The following GRIK3 variants were observed in gnomAD, a reference collection of about 807,000 sequenced individuals.
GRIK3 encodes glutamate ionotropic receptor kainate type subunit 3.
GRIK3 carries 29 observed loss-of-function variants against 102.5 expected under a neutral mutation model. The ratio of observed to expected loss-of-function variants is 0.28; its 90% CI spans 0.21 to 0.39. The LOEUF is 0.39. Ranked by LOEUF, GRIK3 falls within the 10% of genes least tolerant of loss-of-function variation. GRIK3 has a pLI of 1.00. For missense variants in GRIK3, 908 were observed against 1,252.4 expected (o/e 0.73, Z 4.15); for synonymous variants, 511 against 504.9 (o/e 1.01, Z -0.16).
chr1:36,841,528 GT>G (rs1265676117), intron 10 of GRIK3, among the ~76,000 whole-genome samples: 1 of 152,188 alleles, frequency 6.6e-6, no homozygotes. Flanking sequence ...GGAGAATGGC[GT>G]TGGGAGTATG....
intron 10 of GRIK3, among the ~76,000 whole-genome samples, chr1:36,835,285 G>A (rs1466907623): frequency 6.6e-6 from 1 of 152,232 alleles, no homozygotes; most frequent in Non-Finnish European, 1.5e-5. Flanking sequence ...CAGCCCTGTG[G>A]TTTCTCATAG....
intron 10 of GRIK3, among the ~76,000 whole-genome samples, chr1:36,832,831 C>T (rs1482682219): frequency 1.3e-5 from 2 of 152,178 alleles, no homozygotes; most frequent in Non-Finnish European, 2.9e-5. Flanking sequence ...CACCTCATAC[C>T]CTGACAGTTG....
At chr1:36,868,276 C>T (rs1424751733) in intron 5 of GRIK3, among the ~76,000 whole-genome samples, 1 of 152,214 alleles carries the variant, frequency 6.6e-6, no homozygotes, top group East Asian at 1.9e-4. Flanking sequence ...TTCCAGGAGA[C>T]AGCATGGCAG....
chr1:36,901,210 A>G (rs566810544), intron 1 of GRIK3, among the ~76,000 whole-genome samples: 1 of 152,326 alleles, frequency 6.6e-6, no homozygotes, highest in East Asian at 1.9e-4. Context: ...CTAATACCAA[A>G]ATCAGACAAA....
chr1:36,871,925 C>T (rs1362743942), intron 4 of GRIK3, among the ~76,000 whole-genome samples: 1 of 152,212 alleles, frequency 6.6e-6, no homozygotes, highest in Non-Finnish European at 1.5e-5. Flanking sequence ...CGTGTCTACT[C>T]AGCACTCTCC....
At chr1:37,018,584 A>T (rs1425306849) in intron 1 of GRIK3, among the ~76,000 whole-genome samples, 2 of 152,180 alleles carry the variant, frequency 1.3e-5, no homozygotes, top group Non-Finnish European at 2.9e-5. Flanking sequence ...GCAGAGACTA[A>T]TAAGGAGAAA....
At chr1:36,954,378 T>C (rs1487848041) in intron 1 of GRIK3, among the ~76,000 whole-genome samples, 1 of 152,198 alleles carries the variant, frequency 6.6e-6, no homozygotes, top group Non-Finnish European at 1.5e-5. Context: ...AGTCACGGAA[T>C]GCCTTTCAGT....
chr1:36,987,255 T>C (rs1260557611), intron 1 of GRIK3, among the ~76,000 whole-genome samples: 3 of 151,438 alleles, frequency 2.0e-5, no homozygotes, highest in Non-Finnish European at 2.9e-5. Context: ...GCACTGAGGT[T>C]CGATTCCATG....
At chr1:36,966,484 T>C (rs1407027347) in intron 1 of GRIK3, among the ~76,000 whole-genome samples, 1 of 152,066 alleles carries the variant, frequency 6.6e-6, no homozygotes, top group East Asian at 1.9e-4. Flanking sequence ...TCCAGCAAGG[T>C]TCTGCTTGGC....
intron 1 of GRIK3, among the ~76,000 whole-genome samples, chr1:36,937,045 C>T (rs1207771785): frequency 1.3e-5 from 2 of 152,150 alleles, no homozygotes; most frequent in Non-Finnish European, 2.9e-5. Context: ...GTCCTCTCCA[C>T]CAGTTTTCAT....
intron 1 of GRIK3, among the ~76,000 whole-genome samples, chr1:36,958,418 C>CAGTGCCCCATGAGCCTG (rs1641952068): frequency 1.8e-5 from 1 of 56,068 alleles, no homozygotes; most frequent in Non-Finnish European, 3.1e-5. Flanking sequence ...CCCCGTGAGT[C>CAGTGCCCCATGAGCCTG]TGTGCCCCGT....
chr1:36,939,717 TCC>T (rs1641699424), intron 1 of GRIK3, among the ~76,000 whole-genome samples: 1 of 152,216 alleles, frequency 6.6e-6, no homozygotes, highest in South Asian at 2.1e-4. Context: ...CAAACACCAC[TCC>T]AAACCTCCCT....
chr1:36,949,558 TTC>T, intron 1 of GRIK3, among the ~76,000 whole-genome samples: 2 of 151,112 alleles, frequency 1.3e-5, no homozygotes, highest in African/African-American at 2.4e-5. Context: ...TTTTTTTTCT[TTC>T]TCTCTCTCTC....
intron 1 of GRIK3, among the ~76,000 whole-genome samples, chr1:36,957,480 G>GTGTGCCCGTGAGTCTA (rs1557440420): frequency 6.2e-3 from 373 of 59,828 alleles, no homozygotes; most frequent in African/African-American, 0.012. Flanking sequence ...CTGTGAGTCT[G>GTGTGCCCGTGAGTCTA]TGCCCCGTGA....
intron 1 of GRIK3, among the ~76,000 whole-genome samples, chr1:36,984,765 A>C (rs543376865): frequency 9.8e-5 from 15 of 152,324 alleles, no homozygotes; most frequent in African/African-American, 2.9e-4. Flanking sequence ...CGCTGGGATC[A>C]TCTGACCACG....
intron 5 of GRIK3, 112 bp from the exon 6 acceptor site, chr1:36,860,129 C>T (rs1187122565): frequency 7.1e-5 from 51 of 723,292 alleles, no homozygotes; most frequent in Non-Finnish European, 1.1e-4. Context: ...GGTCGCAGCT[C>T]CCTGCAAAGC....
chr1:36,977,922 C>A (rs1642211708), intron 1 of GRIK3, among the ~76,000 whole-genome samples: 2 of 152,240 alleles, frequency 1.3e-5, no homozygotes, highest in Admixed American at 6.5e-5. Context: ...CCCTGCAGGG[C>A]AAGACCTCCC....
chr1:36,860,684 G>T (rs997199871), intron 5 of GRIK3, among the ~76,000 whole-genome samples: 4 of 152,196 alleles, frequency 2.6e-5, no homozygotes, highest in Admixed American at 2.6e-4. Flanking sequence ...GGGTCTGGGG[G>T]CAGGGTGGGC....
intron 10 of GRIK3, among the ~76,000 whole-genome samples, chr1:36,837,325 T>C (rs1640391242): frequency 6.6e-6 from 1 of 152,174 alleles, no homozygotes; most frequent in South Asian, 2.1e-4. Flanking sequence ...CCTCAATTTC[T>C]CCAGGGGGCT....
Sources: gnomAD v4.1 joint callset for allele counts (sites outside exome capture counted in the v4.1 genomes callset) on GRCh38, gnomAD v4.1.1 for gene constraint, MANE v1.5 for transcripts, NCBI Gene and HGNC (gene_info 2026-07-23, HGNC 2026-07-21) for gene names.